Variants in NKAIN2 observed in about 807,000 individuals in gnomAD.
NKAIN2 encodes sodium/potassium transporting ATPase interacting 2.
In NKAIN2, 14 loss-of-function variants were observed where a neutral mutation model predicts 32.6. That is an observed-to-expected ratio of 0.43 (90% confidence interval 0.28 to 0.67). The LOEUF (loss-of-function observed/expected upper bound fraction) is 0.67. NKAIN2 is among the 30% of genes least tolerant of loss of function. The pLI, the probability that NKAIN2 is intolerant of heterozygous loss-of-function variation, is 0.17. For synonymous variants in NKAIN2, 80 were observed against 87.2 expected, an observed-to-expected ratio of 0.92 and a Z score of 0.46; for missense variants, 198 against 258.3, an observed-to-expected ratio of 0.77 and a Z score of 1.60.
intron 1 of NKAIN2, chr6:123,829,397 G>T (rs1774281897): frequency 6.6e-6 from 1 of 152,170 alleles, no homozygotes; most frequent in Admixed American, 6.5e-5. Flanking sequence ...CCTAGCTGTT[G>T]TATCGGACAT....
Position 123,938,467 on chromosome 6 carries a change from C to A in NKAIN2, c.54+134213C>A, listed in dbSNP as rs1309308128. The stretch of plus-strand genomic sequence containing the variant: ...ATATATATATACACACACACACACA[C>A]GCATATTATACATAATATATAATAT... On this transcript the variant is annotated intron_variant, in intron 1 of 6. Transcript: ENST00000368417. Among the ~76,000 whole-genome samples, 18 of 115,974 alleles carry A rather than the reference C, an allele frequency of 1.6e-4. 1 individual carries two copies. The Middle Eastern group carries it at 0.014, about 89-fold the overall frequency. The allele number at this position is 115,974 out of a possible 152,430, so 76.1% of individuals were successfully genotyped here. A position where few individuals can be genotyped will look rare whatever the true frequency, so the allele number is the denominator to read the frequency against.
intron 3 of NKAIN2, among the ~76,000 whole-genome samples, chr6:124,630,803 C>A (rs894106471): frequency 6.6e-6 from 1 of 151,958 alleles, no homozygotes; most frequent in African/African-American, 2.4e-5. Flanking sequence ...AAAACTAAAC[C>A]TTCAGTCCAC....
intron 3 of NKAIN2, among the ~76,000 whole-genome samples, chr6:124,489,156 G>C (rs1202424644): frequency 6.6e-6 from 1 of 151,882 alleles, no homozygotes; most frequent in Non-Finnish European, 1.5e-5. Flanking sequence ...TAATGTAAGA[G>C]ATGAGATGTG....
intron 1 of NKAIN2, among the ~76,000 whole-genome samples, chr6:123,966,884 T>C (rs1032100288): frequency 1.3e-5 from 2 of 152,192 alleles, no homozygotes; most frequent in African/African-American, 4.8e-5. Flanking sequence ...GTTCCAGCTC[T>C]CATGACATTT....
chr6:124,681,709 G>T (rs905606091), intron 4 of NKAIN2, among the ~76,000 whole-genome samples: 1 of 151,976 alleles, frequency 6.6e-6, no homozygotes, highest in Non-Finnish European at 1.5e-5. Context: ...TGAGACATAT[G>T]GGGATAGAGA....
At chr6:123,849,081 T>A (rs112066795) in intron 1 of NKAIN2, among the ~76,000 whole-genome samples, 24 of 152,318 alleles carry the variant, frequency 1.6e-4, no homozygotes, top group African/African-American at 5.5e-4. Flanking sequence ...GGCAACCAGA[T>A]TTCCCTTAAC....
chr6:124,385,177 T>A (rs1462654729), intron 3 of NKAIN2, among the ~76,000 whole-genome samples: 1 of 152,148 alleles, frequency 6.6e-6, no homozygotes, highest in Non-Finnish European at 1.5e-5. Flanking sequence ...GAATATATTT[T>A]CTTTTAGCCA....
chr6:124,179,469 A>G (rs573791834), intron 1 of NKAIN2, among the ~76,000 whole-genome samples: 2 of 152,238 alleles, frequency 1.3e-5, no homozygotes, highest in Non-Finnish European at 2.9e-5. Context: ...AATGTAAACA[A>G]TTGATAGAAA....
At chr6:124,370,907 G>A (rs2114324346) in intron 3 of NKAIN2, among the ~76,000 whole-genome samples, 1 of 152,148 alleles carries the variant, frequency 6.6e-6, no homozygotes, top group East Asian at 1.9e-4. Flanking sequence ...CAGAATGAAT[G>A]GACTCGAGAT....
chr6:124,563,494 G>T (rs1477285740), intron 3 of NKAIN2, among the ~76,000 whole-genome samples: 1 of 152,032 alleles, frequency 6.6e-6, no homozygotes, highest in African/African-American at 2.4e-5. Context: ...TTTGGTTCAG[G>T]CTCTCCTTTT....
chr6:123,868,085 G>T (rs930827663), intron 1 of NKAIN2, among the ~76,000 whole-genome samples: 4 of 152,016 alleles, frequency 2.6e-5, no homozygotes, highest in African/African-American at 9.7e-5. Flanking sequence ...AGCCAGGATG[G>T]TCTTGATCTC....
At chr6:123,817,808 A>G (rs1173381591) in intron 1 of NKAIN2, among the ~76,000 whole-genome samples, 1 of 152,182 alleles carries the variant, frequency 6.6e-6, no homozygotes, top group East Asian at 1.9e-4. Context: ...GTAAAAGAAG[A>G]TTGGAAGGTA....
chr6:124,787,642 G>T (rs547080052), intron 4 of NKAIN2, among the ~76,000 whole-genome samples: 24 of 152,198 alleles, frequency 1.6e-4, no homozygotes, highest in Admixed American at 3.9e-4. Context: ...TGAGAGATGA[G>T]GCTAGAAAGG....
At chr6:124,716,880 G>T (rs1375066757) in intron 4 of NKAIN2, among the ~76,000 whole-genome samples, 2 of 151,846 alleles carry the variant, frequency 1.3e-5, no homozygotes, top group Non-Finnish European at 2.9e-5. Context: ...CCTGCTAGGG[G>T]ATAAGCTCCA....
chr6:124,460,496 T>C (rs1047201907), intron 3 of NKAIN2, among the ~76,000 whole-genome samples: 1 of 130,154 alleles, frequency 7.7e-6, no homozygotes, highest in African/African-American at 3.3e-5. Flanking sequence ...GCTAGTTGTA[T>C]GGAATTCAGG....
intron 4 of NKAIN2, among the ~76,000 whole-genome samples, chr6:124,755,052 C>A (rs995349305): frequency 6.6e-5 from 10 of 152,124 alleles, no homozygotes; most frequent in African/African-American, 2.4e-4. Context: ...GATAGGCTGT[C>A]TGCAAGCTGG....
chr6:124,002,036 A>G (rs887138954), intron 1 of NKAIN2, among the ~76,000 whole-genome samples: 19 of 152,176 alleles, frequency 1.2e-4, no homozygotes, highest in African/African-American at 3.8e-4. Flanking sequence ...ACAGTGATAC[A>G]GAGACGAATT....
chr6:124,284,753 A>C (rs988872011), intron 2 of NKAIN2, among the ~76,000 whole-genome samples: 1 of 152,006 alleles, frequency 6.6e-6, no homozygotes, highest in African/African-American at 2.4e-5. Context: ...AATAAATATT[A>C]GCTATAATAT....
intron 3 of NKAIN2, among the ~76,000 whole-genome samples, chr6:124,385,208 C>T (rs1772841738): frequency 6.6e-6 from 1 of 152,142 alleles, no homozygotes; most frequent in Non-Finnish European, 1.5e-5. Flanking sequence ...ATAAAAAGTT[C>T]TGTTGGACAT....
Sources: gnomAD v4.1 joint callset for allele counts (sites outside exome capture counted in the v4.1 genomes callset) on GRCh38, gnomAD v4.1.1 for gene constraint, MANE v1.5 for transcripts, NCBI Gene and HGNC (gene_info 2026-07-23, HGNC 2026-07-21) for gene names.